The following MCF2L variants were observed in gnomAD, a reference collection of about 807,000 sequenced individuals.
The protein encoded by MCF2L is guanine nucleotide exchange factor DBS.
A neutral mutation model predicts 153.4 loss-of-function variants in MCF2L; 97 were observed. The observed-to-expected ratio is 0.63, with a 90% CI of 0.54 to 0.75. MCF2L has a LOEUF of 0.75. MCF2L is among the 30% of genes least tolerant of loss of function. The pLI, the probability that MCF2L is intolerant of heterozygous loss-of-function variation, is 0.00. For missense variants in MCF2L, 1,347 were observed against 1,495.2 expected, an observed-to-expected ratio of 0.90 and a Z score of 1.64; for synonymous variants, 659 against 632.2, an observed-to-expected ratio of 1.04 and a Z score of -0.64.
intron 4 of MCF2L, among the ~76,000 whole-genome samples, chr13:113,049,268 G>T (rs189554959): frequency 6.6e-6 from 1 of 151,918 alleles, no homozygotes; most frequent in East Asian, 1.9e-4. Flanking sequence ...GGTCAAGGGA[G>T]TGAGGGCAGC....
At chr13:113,090,211 A>T (rs2035070917) in intron 26 of MCF2L, 1 of 1,476,138 alleles carries the variant, frequency 6.8e-7, no homozygotes, top group Middle Eastern at 1.8e-4. Context: ...GGCGTCTGTC[A>T]TGCATCGTGT....
intron 2 of MCF2L, among the ~76,000 whole-genome samples, chr13:113,020,006 A>G (rs1007953978): frequency 6.6e-6 from 1 of 152,226 alleles, no homozygotes; most frequent in Admixed American, 6.5e-5. Context: ...GCCTGTGTGA[A>G]AATGCGAGCC....
chr13:112,943,093 AC>A lies in MCF2L; in HGVS notation c.169+40724del, dbSNP rs1222521162. 2.4e-4 allele frequency among the ~76,000 whole-genome samples: 35 copies of A among 144,974 alleles called. No homozygotes were observed. The highest frequency in any genetic ancestry group is 2.3e-3 in the Admixed American group (33 of 14,374). On this transcript the variant is annotated intron_variant, in intron 2 of 29. Transcript: ENST00000375608. The surrounding 1 kb of genome is among the most constrained non-coding windows in gnomAD (Gnocchi z 4.2). Reference sequence around the variant, plus strand: ...GAGGCCTGAGAGATTTCTAGCAAAAACCTGGTAAACTTTGAGGTGAAGGCTG... The same window carrying A: ...GAGGCCTGAGAGATTTCTAGCAAAAACTGGTAAACTTTGAGGTGAAGGCTG...
rs928462410 is a variant in MCF2L, at chr13:112,943,830, G to A, written c.169+41459G>A. Among the ~76,000 whole-genome samples the A allele has an allele frequency of 7.2e-5, 11 of 152,128 alleles. No homozygotes were observed. Among genetic ancestry groups the A allele is most frequent in the African/African-American group, 2.4e-4 (10 of 41,442 alleles). On this transcript the variant is annotated intron_variant, in intron 2 of 29. Transcript: ENST00000375608. This position sits in a 1 kb window ranked among gnomAD's most constrained non-coding sequence, Gnocchi z 4.2. ...GAAGGACCTGGCGGGAGGCGTAGTA[G>A]GCGGGGTGAGGGGATCTCGGTGGCA...
At chr13:112,995,545 C>T (rs1486206784) in intron 1 of MCF2L, among the ~76,000 whole-genome samples, 4 of 152,198 alleles carry the variant, frequency 2.6e-5, no homozygotes, top group African/African-American at 9.6e-5. Context: ...GAGCTGGCGG[C>T]CGAGGTGGGG....
rs1311516405 is a variant in MCF2L, at chr13:113,028,983, G to A, written c.278+4225G>A. Reference sequence around the variant, plus strand: ...GGCATGTGTGGGGTGAGTGTGGGGTGTGGTGTGTGGGGGGTGTGTGTGAGC... The same window carrying A: ...GGCATGTGTGGGGTGAGTGTGGGGTATGGTGTGTGGGGGGTGTGTGTGAGC... On this transcript the variant is annotated intron_variant, in intron 3 of 29. Coordinates refer to ENST00000535094, the MANE Select transcript of MCF2L (RefSeq NM_001112732.3). The surrounding 1 kb of genome is among the most constrained non-coding windows in gnomAD (Gnocchi z 5.4). Among the ~76,000 whole-genome samples the A allele has an allele frequency of 6.6e-6, 1 of 151,942 alleles. No individual in the cohort carries two copies. The highest frequency in any genetic ancestry group is 1.5e-5 in the Non-Finnish European group (1 of 67,978).
chr13:113,090,104 C>G, intron 26 of MCF2L: 1 of 1,549,108 alleles, frequency 6.5e-7, no homozygotes, highest in Non-Finnish European at 8.7e-7. Context: ...GAAAGCTCTG[C>G]GCTTTCCAGA....
intron 4 of MCF2L, among the ~76,000 whole-genome samples, chr13:113,055,998 C>T (rs922766760): frequency 1.2e-4 from 19 of 152,216 alleles, no homozygotes; most frequent in Non-Finnish European, 5.9e-5. Context: ...AGCAGACACC[C>T]GCAGAGGACC....
chr13:113,031,197 GAGAC>G lies in MCF2L; in HGVS notation c.278+6447_278+6450del, dbSNP rs199519120. ...AGTGACAGACAGAGACAGAGAGACA[GAGAC>G]AGACAGAGACAGAGACAGAGAGAGA... On this transcript the variant is annotated intron_variant, in intron 3 of 29. Coordinates refer to ENST00000535094, the MANE Select transcript of MCF2L (RefSeq NM_001112732.3). This position sits in a 1 kb window ranked among gnomAD's most constrained non-coding sequence, Gnocchi z 5.5. Among the ~76,000 whole-genome samples the G allele has an allele frequency of 7.9e-3, 1,186 of 150,326 alleles. 17 individuals are homozygous for G. The highest frequency in any genetic ancestry group is 0.026 in the African/African-American group (1,051 of 40,908).
chr13:112,908,188 C>G (rs150972019), intron 2 of MCF2L, among the ~76,000 whole-genome samples: 3 of 152,282 alleles, frequency 2.0e-5, no homozygotes, highest in Non-Finnish European at 4.4e-5. Context: ...GGCAGCTTCC[C>G]AAGGCCAGGT....
Position 113,024,753 on chromosome 13 carries a change from C to T in MCF2L, c.273C>T (p.Ile91=). The T allele has an allele frequency of 6.2e-7, 1 of 1,612,834 alleles. No individual in the cohort carries two copies. The highest frequency in any genetic ancestry group is 8.5e-7 in the Non-Finnish European group (1 of 1,178,782). The part of the protein sequence containing the change: ...FQNVMTYLTS[I]PSLQDAGIGF... ...ATGTCATGACCTACCTCACCAGCAT[C>T]CCCAGGTACGTGCACCCAGAGCCCG... The change falls in exon 3 of 30, where the codon ATC becomes ATT. Residue 91 remains isoleucine, a synonymous_variant. Coordinates refer to ENST00000535094, the MANE Select transcript of MCF2L (RefSeq NM_001112732.3).
At chr13:112,996,917 C>T (rs530448932) in intron 1 of MCF2L, among the ~76,000 whole-genome samples, 1 of 152,366 alleles carries the variant, frequency 6.6e-6, no homozygotes, top group African/African-American at 2.4e-5. Flanking sequence ...CCATGAAACT[C>T]CTGCACAGAT....
chr13:113,009,604 A>C (rs1490124887), intron 1 of MCF2L: 2 of 152,154 alleles, frequency 1.3e-5, no homozygotes, highest in African/African-American at 4.8e-5. Flanking sequence ...ACACAGTGTC[A>C]GGAGCTTGTC....
In MCF2L at chr13:112,960,101, T is replaced by G. The variant is rs2081806497; in HGVS notation, c.170-54662T>G. Reference sequence around the variant, plus strand: ...CGCCTGCCCTCAGGGGCTGTGTCTTTGTCTGTTTTCTGCTGCTATAACAGA... The same window carrying G: ...CGCCTGCCCTCAGGGGCTGTGTCTTGGTCTGTTTTCTGCTGCTATAACAGA... On this transcript the variant is annotated intron_variant, in intron 2 of 29. Coordinates refer to the MCF2L transcript ENST00000375608. The surrounding 1 kb of genome is among the most constrained non-coding windows in gnomAD (Gnocchi z 4.2). Among the ~76,000 whole-genome samples, 3 of 152,240 alleles carry G rather than the reference T, an allele frequency of 2.0e-5. No homozygotes were observed. The highest frequency in any genetic ancestry group is 1.3e-4 in the Admixed American group (2 of 15,290).
intron 13 of MCF2L, 90 bp from the exon 14 acceptor site, chr13:113,078,273 C>T: frequency 2.8e-6 from 3 of 1,066,714 alleles, no homozygotes; most frequent in Non-Finnish European, 4.3e-6. Context: ...GAGTCCTACC[C>T]TCTCCTCGGG....
At chr13:112,958,353 G>A (rs943844224) in intron 2 of MCF2L, among the ~76,000 whole-genome samples, 4 of 152,344 alleles carry the variant, frequency 2.6e-5, no homozygotes, top group South Asian at 4.1e-4. Context: ...GCAGGTGTCC[G>A]CTTCTCCGGG....
intron 8 of MCF2L, among the ~76,000 whole-genome samples, chr13:113,069,836 A>G (rs2032694068): frequency 6.6e-6 from 1 of 152,230 alleles, no homozygotes; most frequent in Non-Finnish European, 1.5e-5. Context: ...GAAGGAAAGG[A>G]CACAGCCCCT....
At chr13:113,081,611 G>T (rs570436190) in intron 16 of MCF2L, among the ~76,000 whole-genome samples, 1 of 152,378 alleles carries the variant, frequency 6.6e-6, no homozygotes, top group East Asian at 1.9e-4. Flanking sequence ...GCACTCCAGG[G>T]CAAGCAAAAC....
At position 112,902,428 on chromosome 13, in the gene MCF2L, C is replaced by G; in HGVS notation, c.169+57C>G. On this transcript the variant is annotated intron_variant, in intron 2 of 29. Coordinates refer to the MCF2L transcript ENST00000375608. ...TTTGCAGGTCTCACTGCTGATCAGA[C>G]CTGTGCTGTTCTTTGCTATTCCGGT... The G allele has an allele frequency of 2.6e-6, 4 of 1,540,794 alleles. 1 individual carries two copies. Among genetic ancestry groups the G allele is most frequent in the Non-Finnish European group, 3.5e-6 (4 of 1,132,150 alleles).
Sources: allele counts gnomAD v4.1 joint callset (sites outside exome capture counted in the v4.1 genomes callset), GRCh38; gene constraint gnomAD v4.1.1; non-coding constraint Gnocchi (gnomAD v3.1); transcripts MANE v1.5; gene names NCBI Gene and HGNC (gene_info 2026-07-23, HGNC 2026-07-21).